The following PREX1 variants were observed in gnomAD, a reference collection of about 807,000 sequenced individuals.
PREX1 encodes the protein phosphatidylinositol-3,4,5-trisphosphate dependent Rac exchange factor 1.
PREX1 carries 41 observed loss-of-function variants against 198.3 expected under a neutral mutation model. The observed-to-expected ratio is 0.21, with a 90% CI of 0.16 to 0.27. The LOEUF is 0.27. Among genes scored for constraint, PREX1 ranks in the 10% least tolerant of loss-of-function variants. The pLI is 1.00. For missense variants in PREX1, 1,620 were observed against 2,200.7 expected (o/e 0.74, Z 5.28); for synonymous variants, 843 against 887.2 (o/e 0.95, Z 0.89).
At chr20:48,697,081 G>C (rs1299560887) in intron 7 of PREX1, among the ~76,000 whole-genome samples, 1 of 152,028 alleles carries the variant, frequency 6.6e-6, no homozygotes, top group Non-Finnish European at 1.5e-5. Context: ...AGATCCAAGG[G>C]GCAGAAGTTA....
At chr20:48,808,801 T>C (rs184989658) in intron 1 of PREX1, among the ~76,000 whole-genome samples, 36 of 152,226 alleles carry the variant, frequency 2.4e-4, no homozygotes, top group Middle Eastern at 3.4e-3. Context: ...GTGTGGATCC[T>C]AAAACAGGCT....
At chr20:48,742,787 A>T (rs2090088343) in intron 3 of PREX1, among the ~76,000 whole-genome samples, 4 of 152,060 alleles carry the variant, frequency 2.6e-5, no homozygotes, top group Admixed American at 2.6e-4. Flanking sequence ...AGAAAGAGAG[A>T]GGTGAGAATA....
At chr20:48,795,266 C>T (rs1358936378) in intron 1 of PREX1, among the ~76,000 whole-genome samples, 1 of 152,140 alleles carries the variant, frequency 6.6e-6, no homozygotes, top group Non-Finnish European at 1.5e-5. Context: ...ATGACTCAAC[C>T]CCTCTGAGCC....
intron 36 of PREX1, 60 bp downstream of exon 36, chr20:48,630,668 T>G: frequency 6.9e-7 from 1 of 1,457,018 alleles, no homozygotes; most frequent in East Asian, 2.3e-5. Context: ...TGCTGAGTCC[T>G]GACTCCTGAG....
At position 48,660,206 on chromosome 20, in the gene PREX1, C is replaced by T. The variant is rs984434564; in HGVS notation, c.1739-145G>A. On this transcript the variant is annotated intron_variant, in intron 15 of 39. Coordinates refer to ENST00000371941, the MANE Select transcript of PREX1 (RefSeq NM_020820.4). ...TATTCTATTAAAATGGAATCATATG[C>T]CAACACTAACATATTAGGATATTTC... is the stretch of plus-strand genomic sequence containing the variant. 4 of 973,598 alleles carry T rather than the reference C, an allele frequency of 4.1e-6. No homozygotes were observed. In the African/African-American group the frequency reaches 6.5e-5, roughly 16 times the overall value. The allele number at this position is 973,598 out of a possible 1,614,324, so 60.3% of individuals were successfully genotyped here.
At chr20:48,881,696 G>A in the PREX1 span, among the ~76,000 whole-genome samples, 36 of 151,996 alleles carry the variant, frequency 2.4e-4, no homozygotes, top group Non-Finnish European at 4.3e-4. Flanking sequence ...CCTATTGGCC[G>A]GGCTGGTCTC....
intron 6 of PREX1, among the ~76,000 whole-genome samples, chr20:48,702,980 T>C (rs1008409668): frequency 2.0e-5 from 3 of 152,164 alleles, no homozygotes; most frequent in African/African-American, 4.8e-5. Flanking sequence ...TGCCTGGAAA[T>C]GAACTTGGGG....
intron 1 of PREX1, among the ~76,000 whole-genome samples, chr20:48,750,779 G>A (rs1427436687): frequency 1.3e-5 from 2 of 152,142 alleles, no homozygotes; most frequent in African/African-American, 4.8e-5. Context: ...AGCTCCTAAG[G>A]GAAAGGCCAG....
intron 16 of PREX1, 89 bp from the exon 17 acceptor site, chr20:48,658,317 G>A (rs2089561662): frequency 3.8e-6 from 5 of 1,322,020 alleles, no homozygotes; most frequent in East Asian, 2.3e-5. Flanking sequence ...CCATGACCTC[G>A]TCCCAGGTCT....
chr20:48,825,293 G>A (rs2090503962), intron 1 of PREX1, among the ~76,000 whole-genome samples: 1 of 152,170 alleles, frequency 6.6e-6, no homozygotes, highest in Non-Finnish European at 1.5e-5. Context: ...AAAGGCCCAG[G>A]CAGAAAGGAA....
At chr20:48,803,470 G>A (rs1270485549) in intron 1 of PREX1, among the ~76,000 whole-genome samples, 3 of 152,118 alleles carry the variant, frequency 2.0e-5, no homozygotes, top group Non-Finnish European at 2.9e-5. Context: ...AGAGCCAGGA[G>A]TATTTTCAAG....
the PREX1 span, among the ~76,000 whole-genome samples, chr20:48,867,459 C>T: frequency 6.6e-6 from 1 of 152,272 alleles, no homozygotes; most frequent in African/African-American, 2.4e-5. Flanking sequence ...CCACTGGCCA[C>T]AGGCCAGGCA....
chr20:48,847,143 CCAA>C, the PREX1 span, among the ~76,000 whole-genome samples: 1 of 152,052 alleles, frequency 6.6e-6, no homozygotes, highest in African/African-American at 2.4e-5. Context: ...GGATCCCAGA[CCAA>C]CAAGACACCT....
rs113273435 is a variant in PREX1 at position 48,783,152 on chromosome 20, T to C, written c.220-35272A>G. 8.8e-3 allele frequency among the ~76,000 whole-genome samples: 1,340 copies of C among 152,178 alleles called. 12 individuals carry two copies. Among genetic ancestry groups the C allele is most frequent in the African/African-American group, 0.027 (1,119 of 41,488 alleles). Reference sequence around the variant, plus strand: ...AAAGAAGGATACATGCCTGATATGGTTGAATGAAGACTAAAGAAAATACCA... The same window carrying C: ...AAAGAAGGATACATGCCTGATATGGCTGAATGAAGACTAAAGAAAATACCA... On this transcript the variant is annotated intron_variant, in intron 1 of 39. Coordinates refer to ENST00000371941, the MANE Select transcript of PREX1 (RefSeq NM_020820.4).
intron 21 of PREX1, 152 bp downstream of exon 21, chr20:48,652,434 T>G: frequency 1.8e-6 from 2 of 1,083,540 alleles, no homozygotes; most frequent in Non-Finnish European, 2.6e-6. Flanking sequence ...AGCCAGAACC[T>G]GTCTCCAAAA....
intron 13 of PREX1, among the ~76,000 whole-genome samples, chr20:48,679,064 C>T (rs1356320219): frequency 2.0e-5 from 3 of 152,202 alleles, no homozygotes; most frequent in South Asian, 2.1e-4. Flanking sequence ...ACAGAGGAAA[C>T]GGTTGAGGCA....
intron 3 of PREX1, among the ~76,000 whole-genome samples, chr20:48,742,513 G>T (rs1011905171): frequency 6.6e-6 from 1 of 152,086 alleles, no homozygotes; most frequent in Non-Finnish European, 1.5e-5. Flanking sequence ...TAAAATGCTT[G>T]ATCTCCCAGG....
chr20:48,716,093 CTG>C (rs1280911133), intron 5 of PREX1, among the ~76,000 whole-genome samples: 1 of 152,024 alleles, frequency 6.6e-6, no homozygotes, highest in African/African-American at 2.4e-5. Flanking sequence ...TTTAGAAAAA[CTG>C]AGTGCAGGGA....
chr20:48,821,252 A>G (rs1348295747), intron 1 of PREX1, among the ~76,000 whole-genome samples: 1 of 152,016 alleles, frequency 6.6e-6, no homozygotes, highest in Non-Finnish European at 1.5e-5. Flanking sequence ...GATCCCCAGA[A>G]AAGGATGTGG....
Sources: allele counts gnomAD v4.1 joint callset (sites outside exome capture counted in the v4.1 genomes callset), GRCh38; gene constraint gnomAD v4.1.1; transcripts MANE v1.5; gene names NCBI Gene and HGNC (gene_info 2026-07-23, HGNC 2026-07-21).